DEPTOR: variants seen among roughly 807,000 people sequenced by gnomAD.
DEPTOR encodes DEP domain-containing mTOR-interacting protein.
Under a neutral mutation model 41.6 loss-of-function variants are expected in DEPTOR, and 41 were observed. The observed-to-expected ratio is 0.98, with a 90% CI of 0.77 to 1.28. The LOEUF (loss-of-function observed/expected upper bound fraction) is 1.28, where lower values mean the gene tolerates loss of function less well. DEPTOR is among the 50% of genes most tolerant of loss of function. The pLI is 0.00. For missense variants in DEPTOR, 514 were observed against 527.9 expected (o/e 0.97, Z 0.26); for synonymous variants, 195 against 192.3 (o/e 1.01, Z -0.12).
In DEPTOR at chr8:119,873,957, G is replaced by A. The variant is rs763549572; in HGVS notation, c.111G>A (p.Gly37=). ...GCATGGCTGAGGTCTTGGTCACCGGGGAACAGCTACGGTAAGGCAAGAGAC... is the reference window on the plus strand; with the variant it reads ...GCATGGCTGAGGTCTTGGTCACCGGAGAACAGCTACGGTAAGGCAAGAGAC... ...LERMAEVLVT[G]EQLRLRLHEE... is the part of the protein sequence containing the mutation. Residue 37 remains glycine (G), a synonymous_variant, in exon 1 of 9, where the codon GGG becomes GGA. Transcript: ENST00000286234. 1 of 1,613,586 alleles carries A rather than the reference G, an allele frequency of 6.2e-7. No homozygotes were observed. The highest frequency in any genetic ancestry group is 8.5e-7 in the Non-Finnish European group (1 of 1,179,774).
intron 4 of DEPTOR, among the ~76,000 whole-genome samples, chr8:119,989,675 G>C (rs75722108): frequency 7.9e-5 from 12 of 152,330 alleles, no homozygotes; most frequent in Admixed American, 2.6e-4. Flanking sequence ...ATATAAACCT[G>C]TAATGTGCTT....
At chr8:120,010,568 A>G (rs1165157979) in intron 8 of DEPTOR, among the ~76,000 whole-genome samples, 1 of 151,640 alleles carries the variant, frequency 6.6e-6, no homozygotes, top group East Asian at 1.9e-4. Context: ...GTGGGCTGAG[A>G]TCGCACCAAT....
intron 4 of DEPTOR, among the ~76,000 whole-genome samples, chr8:119,991,427 T>C (rs939552501): frequency 3.9e-5 from 6 of 152,066 alleles, no homozygotes; most frequent in Admixed American, 1.3e-4. Context: ...GTGATTCTTG[T>C]GCTTCAGCCT....
intron 4 of DEPTOR, among the ~76,000 whole-genome samples, chr8:119,992,418 T>G (rs1207304772): frequency 1.3e-5 from 2 of 152,154 alleles, no homozygotes; most frequent in African/African-American, 4.8e-5. Context: ...AAGTCTGTTT[T>G]CAGTCTACTA....
At chr8:119,937,903 C>T (rs112949113) in intron 3 of DEPTOR, among the ~76,000 whole-genome samples, 2,309 of 152,260 alleles carry the variant, frequency 0.015, 61 homozygotes, top group African/African-American at 0.053. Context: ...TAATGGTCTT[C>T]AAGAAAACTT....
At chr8:119,909,064 C>A (rs1392230508) in intron 1 of DEPTOR, among the ~76,000 whole-genome samples, 1 of 152,186 alleles carries the variant, frequency 6.6e-6, no homozygotes, top group Non-Finnish European at 1.5e-5. Flanking sequence ...GTCGTATTGG[C>A]TTTGCTTCCT....
At chr8:120,015,169 A>T (rs1233611309) in intron 8 of DEPTOR, among the ~76,000 whole-genome samples, 1 of 152,184 alleles carries the variant, frequency 6.6e-6, no homozygotes, top group African/African-American at 2.4e-5. Context: ...AAAGTTTATA[A>T]TCCGGGCCCT....
chr8:119,886,995 T>A (rs1002588346), intron 1 of DEPTOR, among the ~76,000 whole-genome samples: 1 of 152,010 alleles, frequency 6.6e-6, no homozygotes, highest in African/African-American at 2.4e-5. Flanking sequence ...TCAAAATGTA[T>A]CCTGCCCAGT....
intron 8 of DEPTOR, among the ~76,000 whole-genome samples, chr8:120,025,658 C>T (rs959270216): frequency 1.3e-4 from 20 of 152,106 alleles, no homozygotes; most frequent in African/African-American, 4.6e-4. Flanking sequence ...CTTTGCCCTC[C>T]GATTATAGAT....
intron 6 of DEPTOR, 75 bp from the exon 7 acceptor site, chr8:120,006,730 T>C (rs1360974135): frequency 1.5e-6 from 2 of 1,334,398 alleles, no homozygotes; most frequent in African/African-American, 1.5e-5. Flanking sequence ...CTACGAGATA[T>C]CAATAAATAG....
At chr8:119,887,871 A>G (rs1827393595) in intron 1 of DEPTOR, among the ~76,000 whole-genome samples, 1 of 151,872 alleles carries the variant, frequency 6.6e-6, no homozygotes, top group African/African-American at 2.4e-5. Flanking sequence ...CCCGGGCTGG[A>G]GTGCAGGGGC....
rs769132085 is a variant in DEPTOR at position 120,003,101 on chromosome 8, C to G, written c.915C>G (p.Asn305Lys). 1 of 1,612,322 alleles carries G rather than the reference C, an allele frequency of 6.2e-7. No homozygotes were observed. The highest frequency in any genetic ancestry group is 2.2e-5 in the East Asian group (1 of 44,844). ...TLSSSPPVLC[N>K]PKSVLKRPVT... ...GCAGCAGCCCCCCTGTGCTCTGCAACCCCAAGTCCGGTGAGTGCCCAAAAG... is the reference window on the plus strand; with the variant it reads ...GCAGCAGCCCCCCTGTGCTCTGCAAGCCCAAGTCCGGTGAGTGCCCAAAAG... Residue 305 changes from asparagine to lysine, a missense_variant, in exon 6 of 9, where the codon AAC (asparagine) becomes AAG (lysine). Physicochemically the swap from Asn to Lys is moderately conservative, Grantham distance 94. Transcript: ENST00000286234.
At chr8:120,008,996 CG>C (rs1563590738) in intron 7 of DEPTOR, 32 bp from the exon 8 acceptor site, 1 of 1,604,682 alleles carries the variant, frequency 6.2e-7, no homozygotes, top group African/African-American at 1.3e-5. Context: ...CGGAGACAGT[CG>C]GCTGCTTGCT....
At chr8:119,889,339 G>A (rs1827416172) in intron 1 of DEPTOR, among the ~76,000 whole-genome samples, 1 of 151,848 alleles carries the variant, frequency 6.6e-6, no homozygotes, top group African/African-American at 2.4e-5. Flanking sequence ...TTGAGCCTAT[G>A]AGTTTCAGAC....
At chr8:119,983,533 C>G (rs964466216) in intron 4 of DEPTOR, among the ~76,000 whole-genome samples, 1 of 151,912 alleles carries the variant, frequency 6.6e-6, no homozygotes, top group African/African-American at 2.4e-5. Flanking sequence ...TACAGGTGCC[C>G]GCCACCACGC....
chr8:119,959,174 T>C (rs1041533275), intron 3 of DEPTOR, among the ~76,000 whole-genome samples: 8 of 146,296 alleles, frequency 5.5e-5, no homozygotes, highest in Non-Finnish European at 1.1e-4. Flanking sequence ...TTTTTTTTTT[T>C]TTTTTTGAGA....
At chr8:120,006,777 A>C (rs754093349) in intron 6 of DEPTOR, 28 bp from the exon 7 acceptor site, 1 of 1,609,178 alleles carries the variant, frequency 6.2e-7, no homozygotes, top group African/African-American at 1.3e-5. Context: ...GGAAGTGCTT[A>C]TGTCTTGACA....
At chr8:119,931,671 A>G (rs116691564) in intron 3 of DEPTOR, among the ~76,000 whole-genome samples, 1,844 of 152,264 alleles carry the variant, frequency 0.012, 36 homozygotes, top group African/African-American at 0.041. Flanking sequence ...CTTGCTTTCT[A>G]TACTGAAATG....
At position 119,873,772 on chromosome 8, in the gene DEPTOR, T is replaced by G. The variant is rs909006251; in HGVS notation, c.-75T>G. On this transcript the variant is annotated 5_prime_UTR_variant, in exon 1 of 9. Coordinates refer to ENST00000286234, the MANE Select transcript of DEPTOR (RefSeq NM_022783.4). The stretch of plus-strand genomic sequence containing the variant: ...ACAAAGATGGCGCGGGAAGCGTCTG[T>G]GAGGGCAGACTGATCCGAGCACCCA... The G allele has an allele frequency of 3.8e-6, 6 of 1,574,800 alleles. No individual in the cohort carries two copies. Among genetic ancestry groups the G allele is most frequent in the Non-Finnish European group, 5.2e-6 (6 of 1,160,862 alleles).
Sources: gnomAD v4.1 joint callset for allele counts (sites outside exome capture counted in the v4.1 genomes callset) on GRCh38, gnomAD v4.1.1 for gene constraint, MANE v1.5 for transcripts, NCBI Gene and HGNC (gene_info 2026-07-23, HGNC 2026-07-21) for gene names.